The following DPP3 variants were observed in gnomAD, a reference collection of about 807,000 sequenced individuals.
The protein encoded by DPP3 is dipeptidyl peptidase 3.
In DPP3, 64 loss-of-function variants were observed where a neutral mutation model predicts 89.8. The observed-to-expected ratio is 0.71, with a 90% CI of 0.58 to 0.88. The LOEUF is 0.88. Ranked by LOEUF, DPP3 falls within the 40% of genes least tolerant of loss-of-function variation. DPP3 has a pLI of 0.00. For missense variants in DPP3, 835 were observed against 972.5 expected (o/e 0.86, Z 1.88); for synonymous variants, 377 against 404.3 (o/e 0.93, Z 0.81).
At chr11:66,495,323 G>T (rs201660284) in intron 13 of DPP3, 42 bp from the exon 14 acceptor site, 1 of 1,613,844 alleles carries the variant, frequency 6.2e-7, no homozygotes, top group Non-Finnish European at 8.5e-7. Context: ...CACAGGTGGG[G>T]CAGTGGCCAC....
At chr11:66,494,105 G>T (rs1855471179) in intron 12 of DPP3, among the ~76,000 whole-genome samples, 1 of 152,156 alleles carries the variant, frequency 6.6e-6, no homozygotes, top group Non-Finnish European at 1.5e-5. Context: ...TGGAACCTGG[G>T]CTTTTCCGGG....
At chr11:66,486,169 C>T (rs1397717628) in intron 3 of DPP3, among the ~76,000 whole-genome samples, 1 of 152,144 alleles carries the variant, frequency 6.6e-6, no homozygotes, top group Admixed American at 6.5e-5. Context: ...TCTTGAACTC[C>T]TGGGCTCAAG....
Position 66,487,474 on chromosome 11 carries a change from C to T in DPP3, c.573+132C>T. Reference sequence around the variant, plus strand: ...TGTACTAGGGAAGGCGCGACCCCTGCCCACCCCAGGCTATAGAGCCTAATG... The same window carrying T: ...TGTACTAGGGAAGGCGCGACCCCTGTCCACCCCAGGCTATAGAGCCTAATG... On this transcript the variant is annotated intron_variant, in intron 5 of 17. Coordinates refer to ENST00000531863, the MANE Select transcript of DPP3 (RefSeq NM_130443.4). 3 of 915,156 alleles carry T rather than the reference C, an allele frequency of 3.3e-6. No homozygotes were observed. The South Asian group carries it at 4.7e-5, about 14-fold the overall frequency. 56.7% of individuals were successfully genotyped at this position (915,156 alleles called of 1,614,324 possible).
rs1225986583 is a variant in DPP3 at position 66,487,974 on chromosome 11, T to C, written c.634T>C (p.Tyr212His). The C allele has an allele frequency of 6.2e-7, 1 of 1,614,052 alleles. No individual in the cohort carries two copies. Among genetic ancestry groups the C allele is most frequent in the Non-Finnish European group, 8.5e-7 (1 of 1,179,966 alleles). ...GGTCGATGGAGAAGGGAAGCCCTAC[T>C]ACGAGGTGCGGCTGGCTTCTGTGCT... ...KEVDGEGKPY[Y>H]EVRLASVLGS... The change falls in exon 6 of 18, where the codon TAC (tyrosine) becomes CAC (histidine). Residue 212 changes from tyrosine (Y) to histidine (H), a missense_variant. Physicochemically the swap from Tyr to His is moderately conservative, Grantham distance 83. Transcript: ENST00000531863.
chr11:66,502,596 A>G (rs894316517), intron 16 of DPP3, among the ~76,000 whole-genome samples: 1 of 152,066 alleles, frequency 6.6e-6, no homozygotes, highest in African/African-American at 2.4e-5. Flanking sequence ...CAGCCTCCCG[A>G]GTAGCTGGGA....
rs952257444 is a variant in DPP3, at chr11:66,482,190, C to A, written c.-8-3C>A. 6.2e-7 allele frequency: 1 copy of A among 1,613,714 alleles called. No homozygotes were observed. Among genetic ancestry groups the A allele is most frequent in the Non-Finnish European group, 8.5e-7 (1 of 1,179,740 alleles). On this transcript the variant is annotated splice_region_variant and splice_polypyrimidine_tract_variant and intron_variant, in intron 1 of 17. Transcript: ENST00000531863. ...CAGCTGTGATGACAGTGATGGTTCT[C>A]AGCAGGGCCCATGGCGGACACCCAG... is the stretch of plus-strand genomic sequence containing the variant.
Position 66,509,082 on chromosome 11 carries a change from C to T in DPP3, c.2045C>T (p.Ser682Leu), listed in dbSNP as rs984469486. The change falls in exon 18 of 18, where the codon TCA (serine) becomes TTA (leucine). Residue 682 changes from serine (S) to leucine (L), a missense_variant. Physicochemically the swap from Ser to Leu is moderately radical, Grantham distance 145. Coordinates refer to ENST00000531863, the MANE Select transcript of DPP3 (RefSeq NM_130443.4). ...IVQPNTRLEG[S>L]DVQLLEYEAS... ...TTTCTCTCCATCTCCTCCCCAGGCT[C>T]AGACGTGCAGCTTCTGGAATACGAG... 6 of 1,613,836 alleles carry T rather than the reference C, an allele frequency of 3.7e-6. No homozygotes were observed. In the African/African-American group the frequency reaches 8.0e-5, roughly 22 times the overall value.
chr11:66,486,695 C>A lies in DPP3; in HGVS notation c.498+18C>A. On this transcript the variant is annotated intron_variant, in intron 4 of 17. Coordinates refer to ENST00000531863, the MANE Select transcript of DPP3 (RefSeq NM_130443.4). ...GGAAGGAGGTGAGGCCCCTGACTCC[C>A]CCGAGGGGACAGGGAGTGGAGGGAA... is the stretch of plus-strand genomic sequence containing the variant. 1 of 1,488,814 alleles carries A rather than the reference C, an allele frequency of 6.7e-7. No individual in the cohort carries two copies. Among genetic ancestry groups the A allele is most frequent in the Admixed American group, 2.3e-5 (1 of 42,600 alleles). 92.2% of individuals were successfully genotyped at this position (1,488,814 alleles called of 1,614,324 possible).
intron 10 of DPP3, 54 bp from the exon 11 acceptor site, chr11:66,493,013 T>G: frequency 1.2e-6 from 2 of 1,611,374 alleles, no homozygotes; most frequent in Non-Finnish European, 1.7e-6. Flanking sequence ...GTGCCTCTTG[T>G]CTGTTACCTT....
intron 2 of DPP3, among the ~76,000 whole-genome samples, chr11:66,482,700 A>G (rs2134715554): frequency 6.6e-6 from 1 of 152,380 alleles, no homozygotes; most frequent in East Asian, 1.9e-4. Flanking sequence ...CCTGACTTCA[A>G]GATAAATGAT....
intron 6 of DPP3, among the ~76,000 whole-genome samples, chr11:66,488,789 A>G (rs1855302580): frequency 6.6e-6 from 1 of 151,840 alleles, no homozygotes; most frequent in Non-Finnish European, 1.5e-5. Context: ...ACATCCTCCC[A>G]CTCAGACTCT....
intron 17 of DPP3, among the ~76,000 whole-genome samples, chr11:66,507,640 G>T (rs1326979986): frequency 6.7e-6 from 1 of 150,278 alleles, no homozygotes; most frequent in East Asian, 2.0e-4. Flanking sequence ...TAGATCTGAA[G>T]AACAGGTTGG....
intron 17 of DPP3, among the ~76,000 whole-genome samples, chr11:66,505,950 T>C (rs926447337): frequency 7.9e-5 from 12 of 152,126 alleles, no homozygotes; most frequent in Non-Finnish European, 1.6e-4. Context: ...TGTTTTTGTT[T>C]TTGTTTTTGT....
rs757207991 is a variant in DPP3, at chr11:66,482,395, C to G, written c.195C>G (p.Arg65=). The change falls in exon 2 of 18, where the codon CGC becomes CGG. Residue 65 remains arginine, a synonymous_variant. Coordinates refer to ENST00000531863, the MANE Select transcript of DPP3 (RefSeq NM_130443.4). ...EAPYIYALLS[R]LFRAQDPDQL... is the part of the protein sequence containing the mutation. ...CCTACATCTATGCTCTGCTCAGCCGCCTCTTCCGCGCCCAGGACCCCGACC... is the reference window on the plus strand; with the variant it reads ...CCTACATCTATGCTCTGCTCAGCCGGCTCTTCCGCGCCCAGGACCCCGACC... 1.2e-6 allele frequency: 2 copies of G among 1,611,222 alleles called. No individual in the cohort carries two copies. The highest frequency in any genetic ancestry group is 2.7e-5 in the African/African-American group (2 of 74,938).
At chr11:66,484,740 T>C (rs1855176042) in intron 2 of DPP3, among the ~76,000 whole-genome samples, 1 of 127,636 alleles carries the variant, frequency 7.8e-6, no homozygotes, top group Non-Finnish European at 1.6e-5. Context: ...GCAGAAGCCA[T>C]AGAATAGACA....
chr11:66,498,219 G>T (rs549005844), intron 16 of DPP3, among the ~76,000 whole-genome samples: 6 of 152,156 alleles, frequency 3.9e-5, no homozygotes, highest in African/African-American at 1.4e-4. Flanking sequence ...TCTGCCTCCC[G>T]AGTAGCAGGG....
chr11:66,505,478 G>C (rs116594266), intron 17 of DPP3, among the ~76,000 whole-genome samples: 1 of 152,164 alleles, frequency 6.6e-6, no homozygotes, highest in East Asian at 1.9e-4. Context: ...ATTCATAAAG[G>C]CAGTGTGGAC....
rs1437422173 is a variant in DPP3 at position 66,482,362 on chromosome 11, T to C, written c.162T>C (p.Pro54=). 1 of 1,612,868 alleles carries C rather than the reference T, an allele frequency of 6.2e-7. No individual in the cohort carries two copies. Among genetic ancestry groups the C allele is most frequent in the Non-Finnish European group, 8.5e-7 (1 of 1,180,012 alleles). ...GGLAVLLQTS[P]EAPYIYALLS... is the part of the protein sequence containing the mutation. ...TGGCTGTGCTGCTTCAGACCTCCCC[T>C]GAGGCCCCCTACATCTATGCTCTGC... is the stretch of plus-strand genomic sequence containing the variant. Residue 54 remains proline, a synonymous_variant, in exon 2 of 18, where the codon CCT becomes CCC. Coordinates refer to ENST00000531863, the MANE Select transcript of DPP3 (RefSeq NM_130443.4).
rs200517626 is a variant in DPP3, at chr11:66,492,761, G to A, written c.1034G>A (p.Arg345Gln). ...VNKAMSAKFE[R>Q]LVASAEQLLK... ...AAGGCCATGAGTGCCAAGTTTGAGC[G>A]GCTGGTGGCGAGCGCAGAGCAGCTG... The change falls in exon 10 of 18, where the codon CGG becomes CAG. Residue 345 changes from arginine (R) to glutamine (Q), a missense_variant. Transcript: ENST00000531863. 5.8e-5 allele frequency: 94 copies of A among 1,612,242 alleles called. No homozygotes were observed. The highest frequency in any genetic ancestry group is 6.7e-5 in the African/African-American group (5 of 74,834).
Sources: gnomAD v4.1 joint callset for allele counts (sites outside exome capture counted in the v4.1 genomes callset) on GRCh38, gnomAD v4.1.1 for gene constraint, MANE v1.5 for transcripts, NCBI Gene and HGNC (gene_info 2026-07-23, HGNC 2026-07-21) for gene names.